CRPPA: variants seen among roughly 807,000 people sequenced by gnomAD.
The protein encoded by CRPPA is CDP-L-ribitol pyrophosphorylase A.
In CRPPA, 43 loss-of-function variants were observed where a neutral mutation model predicts 52.0. The ratio of observed to expected loss-of-function variants is 0.83; its 90% CI spans 0.65 to 1.07. The LOEUF (loss-of-function observed/expected upper bound fraction) is 1.07, where lower values mean the gene tolerates loss of function less well. CRPPA is among the 50% of genes least tolerant of loss of function. The pLI, the probability that CRPPA is intolerant of heterozygous loss-of-function variation, is 0.00. For synonymous variants in CRPPA, 250 were observed against 203.5 expected (o/e 1.23, Z -1.94); for missense variants, 629 against 551.7 (o/e 1.14, Z -1.40).
At chr7:16,352,830 T>C (rs1334657831) in intron 3 of CRPPA, among the ~76,000 whole-genome samples, 1 of 151,302 alleles carries the variant, frequency 6.6e-6, no homozygotes, top group Admixed American at 6.6e-5. Context: ...TTAGCCAAGA[T>C]ATGGAAACAA....
At chr7:16,315,881 C>T (rs1583513379) in intron 3 of CRPPA, among the ~76,000 whole-genome samples, 1 of 152,080 alleles carries the variant, frequency 6.6e-6, no homozygotes, top group Non-Finnish European at 1.5e-5. Flanking sequence ...TCTGTAGTCA[C>T]CTGTCTGTCT....
At chr7:16,319,414 A>T (rs1017361542) in intron 3 of CRPPA, among the ~76,000 whole-genome samples, 2 of 152,056 alleles carry the variant, frequency 1.3e-5, no homozygotes, top group Non-Finnish European at 2.9e-5. Context: ...TCTTGGAAAG[A>T]GTCTTCATCT....
intron 9 of CRPPA, among the ~76,000 whole-genome samples, chr7:16,102,595 TAAAC>T (rs1782068688): frequency 6.6e-6 from 1 of 151,374 alleles, no homozygotes; most frequent in African/African-American, 2.4e-5. Context: ...ACAAGGAACT[TAAAC>T]AAATTTACAA....
At chr7:16,411,476 A>G (rs1347648703) in intron 1 of CRPPA, among the ~76,000 whole-genome samples, 1 of 151,926 alleles carries the variant, frequency 6.6e-6, no homozygotes, top group Non-Finnish European at 1.5e-5. Context: ...AGTTTCTTAT[A>G]ATTTCTTGTA....
At chr7:16,420,861 G>T (rs184564622) in intron 1 of CRPPA, among the ~76,000 whole-genome samples, 4 of 152,070 alleles carry the variant, frequency 2.6e-5, no homozygotes, top group African/African-American at 9.7e-5. Flanking sequence ...AGGGCTCTGT[G>T]GGGGAGCTGC....
chr7:16,173,724 C>T (rs1330635173), intron 9 of CRPPA, among the ~76,000 whole-genome samples: 1 of 152,036 alleles, frequency 6.6e-6, no homozygotes, highest in East Asian at 1.9e-4. Context: ...ATTCATTGAT[C>T]CCTACAGAAA....
intron 9 of CRPPA, among the ~76,000 whole-genome samples, chr7:16,138,199 T>C (rs1782797635): frequency 6.6e-6 from 1 of 152,196 alleles, no homozygotes; most frequent in South Asian, 2.1e-4. Flanking sequence ...AGATAATCAT[T>C]TCTAAAGAAT....
chr7:16,315,943 T>C (rs920178758), intron 3 of CRPPA, among the ~76,000 whole-genome samples: 1 of 151,356 alleles, frequency 6.6e-6, no homozygotes, highest in Admixed American at 6.6e-5. Flanking sequence ...CTCTGAAAGA[T>C]ATGAAAAGTT....
chr7:16,108,396 T>G (rs1411159640), intron 9 of CRPPA, among the ~76,000 whole-genome samples: 1 of 151,702 alleles, frequency 6.6e-6, no homozygotes, highest in Non-Finnish European at 1.5e-5. Flanking sequence ...TAATAAAGGG[T>G]CAACATAATA....
chr7:16,225,416 C>T (rs2128401336), intron 8 of CRPPA, among the ~76,000 whole-genome samples: 1 of 152,048 alleles, frequency 6.6e-6, no homozygotes, highest in South Asian at 2.1e-4. Context: ...TAATTAACAT[C>T]TGTAACAAAT....
At chr7:16,156,840 A>AT (rs1180989638) in intron 9 of CRPPA, among the ~76,000 whole-genome samples, 3 of 152,018 alleles carry the variant, frequency 2.0e-5, no homozygotes, top group Non-Finnish European at 4.4e-5. Context: ...AGTAGAGACA[A>AT]TTTTTCATAC....
intron 9 of CRPPA, among the ~76,000 whole-genome samples, chr7:16,177,397 G>C (rs1280153070): frequency 1.3e-5 from 2 of 152,050 alleles, no homozygotes; most frequent in African/African-American, 4.8e-5. Context: ...TCAACTTTTT[G>C]TAAAACAGTG....
rs116697508 is a variant in CRPPA at position 16,185,879 on chromosome 7, C to T, written c.1251+30187G>A. On this transcript the variant is annotated intron_variant, in intron 9 of 9. Coordinates refer to ENST00000407010, the MANE Select transcript of CRPPA (RefSeq NM_001101426.4). The stretch of plus-strand genomic sequence containing the variant: ...GAATAAGGAGGCAACTGTAAAAGAA[C>T]GTTTACCTAAGAATTCCATTTCTTA... Among the ~76,000 whole-genome samples, 1,028 of 152,200 alleles carry T rather than the reference C, an allele frequency of 6.8e-3. 14 individuals carry two copies. The highest frequency in any genetic ancestry group is 0.024 in the African/African-American group (980 of 41,550).
At chr7:16,216,032 G>A (rs778782981) in intron 9 of CRPPA, 34 bp downstream of exon 9, 8 of 1,516,816 alleles carry the variant, frequency 5.3e-6, no homozygotes, top group African/African-American at 2.8e-5. Context: ...CTAGTCTACA[G>A]AACATACATT....
intron 3 of CRPPA, among the ~76,000 whole-genome samples, chr7:16,320,831 C>G (rs1343919656): frequency 6.6e-6 from 1 of 152,044 alleles, no homozygotes; most frequent in Non-Finnish European, 1.5e-5. Flanking sequence ...GACAGTTATC[C>G]AAGCAGCTTT....
intron 9 of CRPPA, among the ~76,000 whole-genome samples, chr7:16,164,685 G>C (rs1334089473): frequency 6.6e-6 from 1 of 152,096 alleles, no homozygotes; most frequent in Non-Finnish European, 1.5e-5. Flanking sequence ...CTTTCGGATG[G>C]GGTTTTTGTG....
At chr7:16,192,524 A>G (rs1422956012) in intron 9 of CRPPA, among the ~76,000 whole-genome samples, 1 of 152,122 alleles carries the variant, frequency 6.6e-6, no homozygotes, top group Non-Finnish European at 1.5e-5. Context: ...ATGCTGATTA[A>G]AATGTAGAAC....
At chr7:16,372,758 A>C (rs115519271) in intron 3 of CRPPA, among the ~76,000 whole-genome samples, 2,087 of 152,298 alleles carry the variant, frequency 0.014, 62 homozygotes, top group African/African-American at 0.048. Context: ...AGAATGGATA[A>C]AGCCAACCAA....
In CRPPA at chr7:16,097,556, G is replaced by A. The variant is rs1781959874; in HGVS notation, c.1252-5757C>T. ...TACCATTATCTTTTAAACATACAAG[G>A]TAATTCTAAATTTAGTCATAGTAAT... On this transcript the variant is annotated intron_variant, in intron 9 of 9. Transcript: ENST00000407010. Among the ~76,000 whole-genome samples, 5 of 152,106 alleles carry A rather than the reference G, an allele frequency of 3.3e-5. No individual in the cohort carries two copies. In the South Asian group the frequency reaches 1.0e-3, roughly 31 times the overall value.
Sources: gnomAD v4.1 joint callset for allele counts (sites outside exome capture counted in the v4.1 genomes callset) on GRCh38, gnomAD v4.1.1 for gene constraint, MANE v1.5 for transcripts, NCBI Gene and HGNC (gene_info 2026-07-23, HGNC 2026-07-21) for gene names.